The following ST8SIA1 variants were observed in gnomAD, a reference collection of about 807,000 sequenced individuals.
ST8SIA1 encodes the protein ST8 alpha-N-acetyl-neuraminide alpha-2,8-sialyltransferase 1.
ST8SIA1 carries 16 observed loss-of-function variants against 35.9 expected under a neutral mutation model. That is an observed-to-expected ratio of 0.45 (90% CI 0.30 to 0.68). ST8SIA1 has a LOEUF of 0.68. Among genes scored for constraint, ST8SIA1 ranks in the 30% least tolerant of loss-of-function variants. The pLI, the probability that ST8SIA1 is intolerant of heterozygous loss-of-function variation, is 0.09. For synonymous variants in ST8SIA1, 170 were observed against 169.6 expected (o/e 1.00, Z -0.02); for missense variants, 383 against 453.6 (o/e 0.84, Z 1.41).
Position 22,287,176 on chromosome 12 carries a change from G to A in ST8SIA1, c.354C>T (p.Asp118=), listed in dbSNP as rs774364392. 1.2e-6 allele frequency: 2 copies of A among 1,614,024 alleles called. No homozygotes were observed. Among genetic ancestry groups the A allele is most frequent in the East Asian group, 2.2e-5 (1 of 44,874 alleles). The change falls in exon 2 of 5, where the codon GAC becomes GAT. Residue 118 remains aspartate (D), a synonymous_variant. Transcript: ENST00000396037. ...GTGGGAAGAGAGAGTAAGTTGAATT[G>A]TCAATGGTGAATGAGTATAAAAACT... ...DGEFLYSFTI[D]NSTYSLFPQA...
chr12:22,210,329 G>C (rs1865162819), intron 4 of ST8SIA1, among the ~76,000 whole-genome samples: 1 of 152,120 alleles, frequency 6.6e-6, no homozygotes, highest in South Asian at 2.1e-4. Flanking sequence ...TTACCTCCAG[G>C]GATAGCAGTG....
At chr12:22,202,129 C>T in intron 4 of ST8SIA1, 91 bp from the exon 5 acceptor site, 1 of 1,082,276 alleles carries the variant, frequency 9.2e-7, no homozygotes, top group Non-Finnish European at 1.3e-6. Flanking sequence ...GCCCTGATAC[C>T]TCAAATCATC....
intron 4 of ST8SIA1, chr12:22,223,834 C>T (rs1865327908): frequency 8.5e-7 from 1 of 1,169,756 alleles, no homozygotes; most frequent in African/African-American, 1.7e-5. Flanking sequence ...CTGCAATATC[C>T]TTAACAATAG....
In ST8SIA1 at chr12:22,255,382, G is replaced by C; in HGVS notation, c.389C>G (p.Pro130Arg). The change falls in exon 3 of 5, where the codon CCA (proline) becomes CGA (arginine). Residue 130 changes from proline (P) to arginine (R), a missense_variant. Physicochemically the swap from Pro to Arg is moderately radical, Grantham distance 103. Transcript: ENST00000396037. The part of the protein sequence containing the change: ...STYSLFPQAT[P>R]FQLPLKKCAV... ...GCATTTCTTCAATGGCAGCTGGAAT[G>C]GGGTTGCCTAGCAACAGAAAACAAG... The C allele has an allele frequency of 6.2e-7, 1 of 1,613,998 alleles. No homozygotes were observed. Among genetic ancestry groups the C allele is most frequent in the Non-Finnish European group, 8.5e-7 (1 of 1,179,888 alleles).
intron 2 of ST8SIA1, among the ~76,000 whole-genome samples, chr12:22,273,172 A>G (rs1865931656): frequency 6.6e-6 from 1 of 152,186 alleles, no homozygotes; most frequent in Admixed American, 6.5e-5. Flanking sequence ...CAGACAGTTT[A>G]AAGCCTGAAA....
chr12:22,293,783 C>G (rs1174495204), intron 1 of ST8SIA1, among the ~76,000 whole-genome samples: 1 of 152,176 alleles, frequency 6.6e-6, no homozygotes, highest in Non-Finnish European at 1.5e-5. Flanking sequence ...CTTCTATTCT[C>G]AAACATGTCC....
intron 1 of ST8SIA1, among the ~76,000 whole-genome samples, chr12:22,296,204 T>A (rs1565589586): frequency 6.6e-6 from 1 of 151,966 alleles, no homozygotes; most frequent in Non-Finnish European, 1.5e-5. Flanking sequence ...GACGGACTGG[T>A]GTATTGGGGG....
intron 4 of ST8SIA1, among the ~76,000 whole-genome samples, chr12:22,230,930 G>A (rs1865412013): frequency 6.6e-6 from 1 of 151,916 alleles, no homozygotes; most frequent in South Asian, 2.1e-4. Context: ...AAGATCTCTT[G>A]GGCCACTGCC....
chr12:22,255,628 T>A (rs1296284367), intron 2 of ST8SIA1, among the ~76,000 whole-genome samples: 2 of 152,082 alleles, frequency 1.3e-5, no homozygotes, highest in Non-Finnish European at 2.9e-5. Context: ...TAACAACATT[T>A]ATTTTTTTCC....
At chr12:22,252,490 A>C (rs1865683471) in intron 3 of ST8SIA1, among the ~76,000 whole-genome samples, 1 of 152,246 alleles carries the variant, frequency 6.6e-6, no homozygotes, top group African/African-American at 2.4e-5. Context: ...AAACATACAT[A>C]AGGCTTTTAA....
At chr12:22,269,885 A>G (rs1426822828) in intron 2 of ST8SIA1, among the ~76,000 whole-genome samples, 1 of 152,218 alleles carries the variant, frequency 6.6e-6, no homozygotes, top group East Asian at 1.9e-4. Flanking sequence ...TGTACAGTTA[A>G]TTCTTTAAGA....
At chr12:22,319,849 T>A (rs1476009715) in intron 1 of ST8SIA1, among the ~76,000 whole-genome samples, 1 of 152,180 alleles carries the variant, frequency 6.6e-6, no homozygotes, top group African/African-American at 2.4e-5. Context: ...GGTGTGTTGA[T>A]CTGACCACGA....
At chr12:22,332,386 G>A (rs1204240407) in intron 1 of ST8SIA1, among the ~76,000 whole-genome samples, 1 of 152,150 alleles carries the variant, frequency 6.6e-6, no homozygotes, top group Non-Finnish European at 1.5e-5. Flanking sequence ...TATCCTCTAA[G>A]AGGGCTTCAT....
At chr12:22,256,012 C>A (rs1163412081) in intron 2 of ST8SIA1, among the ~76,000 whole-genome samples, 7 of 152,178 alleles carry the variant, frequency 4.6e-5, no homozygotes, top group Non-Finnish European at 4.4e-5. Context: ...GGGCAATCCA[C>A]AAGGAGGAAG....
At chr12:22,208,166 T>C (rs1427792900) in intron 4 of ST8SIA1, among the ~76,000 whole-genome samples, 1 of 143,270 alleles carries the variant, frequency 7.0e-6, no homozygotes, top group South Asian at 2.2e-4. Context: ...GCAAAATCAA[T>C]AATAAAACAA....
At chr12:22,221,474 AAGAG>A (rs781260310) in intron 4 of ST8SIA1, among the ~76,000 whole-genome samples, 8 of 152,228 alleles carry the variant, frequency 5.3e-5, no homozygotes, top group Non-Finnish European at 1.5e-5. Context: ...AATAAAGACG[AAGAG>A]AGAAATAGCA....
chr12:22,303,645 T>A (rs1160738307), intron 1 of ST8SIA1, among the ~76,000 whole-genome samples: 1 of 152,212 alleles, frequency 6.6e-6, no homozygotes, highest in African/African-American at 2.4e-5. Context: ...TTTGCTTAAC[T>A]GTTTTTTGTT....
At chr12:22,322,026 G>T (rs2541300) in intron 1 of ST8SIA1, among the ~76,000 whole-genome samples, 71,558 of 152,090 alleles carry the variant, frequency 0.47, 18,585 homozygotes, top group African/African-American at 0.69. Flanking sequence ...CTCTCCAGCA[G>T]TTCACATGTT....
At chr12:22,329,504 G>A (rs7970824) in intron 1 of ST8SIA1, among the ~76,000 whole-genome samples, 69,692 of 151,966 alleles carry the variant, frequency 0.46, 17,992 homozygotes, top group East Asian at 0.88. Flanking sequence ...ATATTTTCTT[G>A]AGCATCAAAA....
Sources: allele counts gnomAD v4.1 joint callset (sites outside exome capture counted in the v4.1 genomes callset), GRCh38; gene constraint gnomAD v4.1.1; transcripts MANE v1.5; gene names NCBI Gene and HGNC (gene_info 2026-07-23, HGNC 2026-07-21).